The following KLHL6 variants were observed in gnomAD, a reference collection of about 807,000 sequenced individuals.
KLHL6 encodes kelch-like protein 6.
KLHL6 carries 41 observed loss-of-function variants against 58.6 expected under a neutral mutation model. The ratio of observed to expected loss-of-function variants is 0.70; its 90% confidence interval spans 0.55 to 0.91. KLHL6 has a LOEUF of 0.91. Ranked by LOEUF, KLHL6 falls within the 40% of genes least tolerant of loss-of-function variation. KLHL6 has a pLI of 0.00. For synonymous variants in KLHL6, 338 were observed against 322.7 expected (o/e 1.05, Z -0.51); for missense variants, 714 against 805.6 (o/e 0.89, Z 1.38).
At chr3:183,549,942 A>G (rs1712853910) in intron 1 of KLHL6, among the ~76,000 whole-genome samples, 2 of 152,094 alleles carry the variant, frequency 1.3e-5, no homozygotes, top group Non-Finnish European at 2.9e-5. Flanking sequence ...AAAATAGAAT[A>G]AAAGAGACAA....
chr3:183,542,143 C>A (rs1553813811), intron 1 of KLHL6, among the ~76,000 whole-genome samples: 2 of 152,088 alleles, frequency 1.3e-5, no homozygotes, highest in Non-Finnish European at 1.5e-5. Context: ...TTAATTCCAA[C>A]CCTCATCTCC....
At chr3:183,539,939 A>T (rs1712498022) in intron 1 of KLHL6, among the ~76,000 whole-genome samples, 2 of 152,230 alleles carry the variant, frequency 1.3e-5, no homozygotes, top group Non-Finnish European at 2.9e-5. Context: ...CTGCAAGATC[A>T]GACAAGAAAG....
intron 1 of KLHL6, among the ~76,000 whole-genome samples, chr3:183,542,971 C>T (rs11922733): frequency 0.11 from 16,759 of 152,096 alleles, 1,574 homozygotes; most frequent in African/African-American, 0.25. Flanking sequence ...TTTTGCATTC[C>T]TTCCCCTCCA....
At chr3:183,553,188 G>A (rs1408285316) in intron 1 of KLHL6, among the ~76,000 whole-genome samples, 1 of 152,172 alleles carries the variant, frequency 6.6e-6, no homozygotes, top group Non-Finnish European at 1.5e-5. Flanking sequence ...TCATGACCAG[G>A]CAGTTTTGGG....
Position 183,492,919 on chromosome 3 carries a change from C to T in KLHL6, c.1351-212G>A. 2 of 551,818 alleles carry T rather than the reference C, an allele frequency of 3.6e-6. No homozygotes were observed. Among genetic ancestry groups the T allele is most frequent in the Admixed American group, 3.1e-5 (1 of 32,128 alleles). 34.2% of individuals were successfully genotyped at this position (551,818 alleles called of 1,614,324 possible). A position where few individuals can be genotyped will look rare whatever the true frequency, so the allele number is the denominator to read the frequency against. ...CCTCCAGGCTCCACGCAAGCTAGAG[C>T]AAGCTGTGTGTTGGGATGTGCCAGC... On this transcript the variant is annotated intron_variant, in intron 5 of 6. Transcript: ENST00000341319. The surrounding 1 kb of genome is among the most constrained non-coding windows in gnomAD (Gnocchi z 5.9).
intron 2 of KLHL6, among the ~76,000 whole-genome samples, chr3:183,527,294 A>C (rs529973176): frequency 1.3e-5 from 2 of 152,330 alleles, no homozygotes. Flanking sequence ...TTGTACATTA[A>C]AAAAGCTATA....
chr3:183,542,279 C>T (rs958868235), intron 1 of KLHL6, among the ~76,000 whole-genome samples: 6 of 152,222 alleles, frequency 3.9e-5, no homozygotes, highest in African/African-American at 1.4e-4. Context: ...CTTAAAGACT[C>T]TTCCACGGCT....
In KLHL6 at chr3:183,492,434, C is replaced by G; in HGVS notation, c.1564+60G>C. On this transcript the variant is annotated intron_variant, in intron 6 of 6. Transcript: ENST00000341319. The surrounding 1 kb of genome is among the most constrained non-coding windows in gnomAD (Gnocchi z 5.9). ...GACACCGCGACACACCGTTTACGTG[C>G]TGCAGCCAGGCGCTCATCAGGTTCT... The G allele has an allele frequency of 6.4e-7, 1 of 1,573,910 alleles. No homozygotes were observed. The highest frequency in any genetic ancestry group is 8.7e-7 in the Non-Finnish European group (1 of 1,145,692).
chr3:183,552,701 G>A (rs1191715735), intron 1 of KLHL6, among the ~76,000 whole-genome samples: 2 of 127,278 alleles, frequency 1.6e-5, no homozygotes, highest in African/African-American at 6.0e-5. Context: ...CTGGGCGACA[G>A]AGCGAGACTC....
chr3:183,540,000 C>T (rs1205385427), intron 1 of KLHL6, among the ~76,000 whole-genome samples: 1 of 152,202 alleles, frequency 6.6e-6, no homozygotes, highest in Non-Finnish European at 1.5e-5. Context: ...ACGATACAGT[C>T]ACAAAGATAC....
At chr3:183,553,974 C>T (rs1279177866) in intron 1 of KLHL6, among the ~76,000 whole-genome samples, 6 of 144,126 alleles carry the variant, frequency 4.2e-5, no homozygotes, top group African/African-American at 5.5e-5. Flanking sequence ...CCCCCAAGCA[C>T]CTCAAAAAAA....
chr3:183,536,023 C>A (rs186261558), intron 1 of KLHL6, among the ~76,000 whole-genome samples: 58 of 152,358 alleles, frequency 3.8e-4, no homozygotes, highest in Non-Finnish European at 1.5e-5. Context: ...ATCTGCCCCC[C>A]TCGGGCTCCC....
chr3:183,548,171 G>T (rs967918499), intron 1 of KLHL6, among the ~76,000 whole-genome samples: 2 of 152,148 alleles, frequency 1.3e-5, no homozygotes, highest in African/African-American at 4.8e-5. Flanking sequence ...AAGACAGTGC[G>T]CTCTGAAAAT....
intron 3 of KLHL6, among the ~76,000 whole-genome samples, chr3:183,503,862 C>T (rs758590760): frequency 3.9e-5 from 6 of 152,060 alleles, no homozygotes; most frequent in East Asian, 1.9e-4. Flanking sequence ...ATGAAGGGTA[C>T]GGGGAGAAAT....
At chr3:183,504,868 C>T (rs1203281030) in intron 3 of KLHL6, among the ~76,000 whole-genome samples, 1 of 152,148 alleles carries the variant, frequency 6.6e-6, no homozygotes, top group African/African-American at 2.4e-5. Flanking sequence ...ATCCTCTACC[C>T]TCAAGTAGGC....
At chr3:183,518,133 C>T (rs921709332) in intron 2 of KLHL6, among the ~76,000 whole-genome samples, 12 of 152,266 alleles carry the variant, frequency 7.9e-5, no homozygotes, top group Admixed American at 3.3e-4. Context: ...GGCCTGGAGG[C>T]TCATTGAGAA....
chr3:183,529,674 C>T (rs965915959), intron 1 of KLHL6, among the ~76,000 whole-genome samples: 4 of 151,784 alleles, frequency 2.6e-5, no homozygotes, highest in African/African-American at 9.7e-5. Flanking sequence ...TACAACAATA[C>T]AAAAACTAGC....
At chr3:183,514,161 A>G (rs558415569) in intron 2 of KLHL6, among the ~76,000 whole-genome samples, 1 of 152,352 alleles carries the variant, frequency 6.6e-6, no homozygotes, top group Non-Finnish European at 1.5e-5. Flanking sequence ...ATTGAAGCCG[A>G]CAGACCAGTG....
At chr3:183,511,627 G>A (rs964719522) in intron 2 of KLHL6, among the ~76,000 whole-genome samples, 8 of 152,218 alleles carry the variant, frequency 5.3e-5, no homozygotes, top group Non-Finnish European at 1.2e-4. Flanking sequence ...GCGGCTTTCT[G>A]CAGTGCATTG....
Sources: gnomAD v4.1 joint callset for allele counts (sites outside exome capture counted in the v4.1 genomes callset) on GRCh38, gnomAD v4.1.1 for gene constraint, Gnocchi (gnomAD v3.1) non-coding constraint, MANE v1.5 for transcripts, NCBI Gene and HGNC (gene_info 2026-07-23, HGNC 2026-07-21) for gene names.